Variants in RHOBTB1 observed in about 807,000 individuals in gnomAD.
RHOBTB1 encodes the protein Rho related BTB domain containing 1.
Under a neutral mutation model 71.6 loss-of-function variants are expected in RHOBTB1, and 40 were observed. The observed-to-expected ratio is 0.56, with a 90% confidence interval of 0.43 to 0.73. The LOEUF (loss-of-function observed/expected upper bound fraction) is 0.73. Ranked by LOEUF, RHOBTB1 falls within the 30% of genes least tolerant of loss-of-function variation. The pLI, the probability that RHOBTB1 is intolerant of heterozygous loss-of-function variation, is 0.00. For missense variants in RHOBTB1, 797 were observed against 894.0 expected, an observed-to-expected ratio of 0.89 and a Z score of 1.38; for synonymous variants, 319 against 334.9, an observed-to-expected ratio of 0.95 and a Z score of 0.52.
upstream of RHOBTB1, among the ~76,000 whole-genome samples, chr10:60,948,476 T>C (rs922528915): frequency 1.3e-5 from 2 of 152,210 alleles, no homozygotes; most frequent in Non-Finnish European, 2.9e-5. Context: ...TGCAGATGCC[T>C]CCTGGGGCCA....
the RHOBTB1 span, among the ~76,000 whole-genome samples, chr10:60,861,327 T>C: frequency 2.0e-5 from 3 of 152,202 alleles, no homozygotes; most frequent in Non-Finnish European, 4.4e-5. Context: ...CAAATGGAAT[T>C]TCTCTAGGGC....
At chr10:60,867,363 T>G (rs1453111816), downstream of RHOBTB1, among the ~76,000 whole-genome samples, 1 of 152,220 alleles carries the variant, frequency 6.6e-6, no homozygotes, top group African/African-American at 2.4e-5. Flanking sequence ...GCCTGTAATA[T>G]CTAACCATTC....
intron 2 of RHOBTB1, among the ~76,000 whole-genome samples, chr10:60,914,290 A>C (rs2133497818): frequency 6.6e-6 from 1 of 152,284 alleles, no homozygotes; most frequent in East Asian, 1.9e-4. Context: ...TCTCAATTCC[A>C]GAATAAAAAT....
Position 60,915,635 on chromosome 10 carries a change from CAGGTGGGGA to C in RHOBTB1, c.-10-4092_-10-4084del, listed in dbSNP as rs2083231888. Among the ~76,000 whole-genome samples, 5 of 152,282 alleles carry C rather than the reference CAGGTGGGGA, an allele frequency of 3.3e-5. No homozygotes were observed. In the South Asian group the frequency reaches 1.0e-3, roughly 32 times the overall value. ...AAATTGTTAAATAAACAAGACAGTG[CAGGTGGGGA>C]AGTGAAGGGCATGGTGGAGTGGTTC... On this transcript the variant is annotated intron_variant, in intron 2 of 10. Transcript: ENST00000337910.
chr10:60,941,906 A>G (rs2084920975), intron 1 of RHOBTB1, 52 bp from the exon 2 acceptor site: 1 of 152,252 alleles, frequency 6.6e-6, no homozygotes, highest in Admixed American at 6.5e-5. Flanking sequence ...CCAGGAGTAC[A>G]TGGGGAGCCA....
upstream of RHOBTB1, among the ~76,000 whole-genome samples, chr10:61,001,945 A>T (rs1358868351): frequency 3.9e-5 from 6 of 152,248 alleles, no homozygotes; most frequent in Admixed American, 3.9e-4. Flanking sequence ...GTCAAGGGTC[A>T]GCCTTTTCTT....
At chr10:60,954,174 C>A (rs2085507974) in intron 2 of RHOBTB1, among the ~76,000 whole-genome samples, 1 of 152,140 alleles carries the variant, frequency 6.6e-6, no homozygotes, top group Non-Finnish European at 1.5e-5. Context: ...ACGCCTCAAG[C>A]CTGGCAGTTA....
chr10:60,979,132 GAAA>G (rs1166495283), intron 2 of RHOBTB1, among the ~76,000 whole-genome samples: 1 of 152,138 alleles, frequency 6.6e-6, no homozygotes, highest in Admixed American at 6.5e-5. Context: ...TGTATGCTAG[GAAA>G]AGTGTGCCTA....
At chr10:60,868,261 C>A (rs7898838), downstream of RHOBTB1, among the ~76,000 whole-genome samples, 6,714 of 152,166 alleles carry the variant, frequency 0.044, 296 homozygotes, top group African/African-American at 0.11. Flanking sequence ...CTGTATCTAT[C>A]ATCTATCTAT....
chr10:61,000,497 G>C (rs1410521077), intron 1 of RHOBTB1, among the ~76,000 whole-genome samples: 1 of 152,102 alleles, frequency 6.6e-6, no homozygotes, highest in African/African-American at 2.4e-5. Flanking sequence ...TAAAGAAGCA[G>C]TCAATTTCTC....
At chr10:60,873,549 A>T (rs1423504762) in intron 9 of RHOBTB1, among the ~76,000 whole-genome samples, 6 of 152,218 alleles carry the variant, frequency 3.9e-5, no homozygotes, top group Non-Finnish European at 8.8e-5. Flanking sequence ...AACACAGTGC[A>T]ACAAACAGAC....
At chr10:60,862,390 G>A in the RHOBTB1 span, among the ~76,000 whole-genome samples, 264 of 152,034 alleles carry the variant, frequency 1.7e-3, no homozygotes, top group African/African-American at 5.9e-3. Context: ...TAGAGATAGC[G>A]TTTCACCATG....
At chr10:60,874,885 G>A in intron 9 of RHOBTB1, 69 bp downstream of exon 9, 1 of 1,058,880 alleles carries the variant, frequency 9.4e-7, no homozygotes, top group African/African-American at 1.6e-5. Context: ...TGCAACAATG[G>A]AATGTTTTAT....
chr10:60,997,257 T>C (rs191753699), intron 1 of RHOBTB1, among the ~76,000 whole-genome samples: 36 of 152,292 alleles, frequency 2.4e-4, no homozygotes, highest in African/African-American at 6.7e-4. Flanking sequence ...TAAAAAGATA[T>C]CAAAATTGTG....
chr10:60,967,747 AATG>A (rs577868834), intron 2 of RHOBTB1, among the ~76,000 whole-genome samples: 200 of 152,228 alleles, frequency 1.3e-3, no homozygotes, highest in Middle Eastern at 3.4e-3. Flanking sequence ...ATTCCTTAGA[AATG>A]ATTGCAACCC....
In RHOBTB1 at chr10:60,889,120, A is replaced by G. The variant is rs2081778277; in HGVS notation, c.548T>C (p.Leu183Ser). 6.2e-7 allele frequency: 1 copy of G among 1,614,148 alleles called. No individual in the cohort carries two copies. Among genetic ancestry groups the G allele is most frequent in the Non-Finnish European group, 8.5e-7 (1 of 1,179,996 alleles). The change falls in exon 6 of 11, where the codon TTA becomes TCA. Residue 183 changes from leucine to serine, a missense_variant. Physicochemically the swap from Leu to Ser is moderately radical, Grantham distance 145. Transcript: ENST00000337910. ...AAACACGCTTGTTTCATAGTATGGT[A>G]AGCCAAGTTCCTTTGCTACCTCTCG... is the stretch of plus-strand genomic sequence containing the variant. The part of the protein sequence containing the change: ...KGREVAKELG[L>S]PYYETSVFDQ...
At position 60,888,541 on chromosome 10, in the gene RHOBTB1, T is replaced by A; in HGVS notation, c.1127A>T (p.Lys376Met). ...PETQTLTGWSKGFIGMHREMQ... is the reference protein window; with the variant it reads ...PETQTLTGWSMGFIGMHREMQ... ...TTCCCTGTGCATGCCAATGAACCCC[T>A]TACTCCATCCGGTCAAAGTCTGTGT... is the stretch of plus-strand genomic sequence containing the variant. Residue 376 changes from lysine to methionine, a missense_variant, in exon 6 of 11, where the codon AAG becomes ATG. By Grantham distance (95) the Lys-to-Met change is moderately conservative. Transcript: ENST00000337910. 1 of 1,614,192 alleles carries A rather than the reference T, an allele frequency of 6.2e-7. No individual in the cohort carries two copies. The highest frequency in any genetic ancestry group is 1.6e-4 in the Middle Eastern group (1 of 6,062).
intron 1 of RHOBTB1, among the ~76,000 whole-genome samples, chr10:60,987,438 A>G (rs1359555268): frequency 6.6e-6 from 1 of 152,152 alleles, no homozygotes; most frequent in Non-Finnish European, 1.5e-5. Context: ...ACTTGGCATC[A>G]TCTTCATTCT....
chr10:60,983,829 C>T (rs2086578740), intron 2 of RHOBTB1, among the ~76,000 whole-genome samples: 1 of 152,198 alleles, frequency 6.6e-6, no homozygotes, highest in Non-Finnish European at 1.5e-5. Context: ...GCAGAGCTTC[C>T]CGGCCCCGCC....
Sources: allele counts gnomAD v4.1 joint callset (sites outside exome capture counted in the v4.1 genomes callset), GRCh38; gene constraint gnomAD v4.1.1; transcripts MANE v1.5; gene names NCBI Gene and HGNC (gene_info 2026-07-23, HGNC 2026-07-21).